CTNNA3: variants seen among roughly 807,000 people sequenced by gnomAD.
The protein encoded by CTNNA3 is catenin alpha 3.
In CTNNA3, 76 loss-of-function variants were observed where a neutral mutation model predicts 95.7. The ratio of observed to expected loss-of-function variants is 0.79; its 90% confidence interval spans 0.66 to 0.96. CTNNA3 has a LOEUF of 0.96. Ranked by LOEUF, CTNNA3 falls within the 40% of genes least tolerant of loss-of-function variation. CTNNA3 has a pLI of 0.00. For synonymous variants in CTNNA3, 431 were observed against 374.4 expected, an observed-to-expected ratio of 1.15 and a Z score of -1.74; for missense variants, 1,191 against 1,089.8, an observed-to-expected ratio of 1.09 and a Z score of -1.31.
intron 11 of CTNNA3, among the ~76,000 whole-genome samples, chr10:66,388,588 A>T (rs1365166174): frequency 6.6e-6 from 1 of 152,146 alleles, no homozygotes; most frequent in East Asian, 1.9e-4. Flanking sequence ...GTCTGAGGCC[A>T]TAGTGTTAAA....
chr10:66,459,472 T>C (rs1358598292), intron 11 of CTNNA3, among the ~76,000 whole-genome samples: 1 of 152,210 alleles, frequency 6.6e-6, no homozygotes, highest in African/African-American at 2.4e-5. Context: ...GTGGCTGTAC[T>C]ATTTTTCATT....
intron 13 of CTNNA3, among the ~76,000 whole-genome samples, chr10:66,243,399 A>T (rs1447764333): frequency 1.3e-5 from 2 of 152,174 alleles, no homozygotes; most frequent in African/African-American, 4.8e-5. Flanking sequence ...CCTCTATTCT[A>T]TCTGAAGCCT....
chr10:66,361,819 T>C (rs754934861), intron 12 of CTNNA3, among the ~76,000 whole-genome samples: 10 of 152,104 alleles, frequency 6.6e-5, no homozygotes, highest in Non-Finnish European at 1.0e-4. Flanking sequence ...ATTACAGGTA[T>C]GAGCCACCAT....
intron 5 of CTNNA3, among the ~76,000 whole-genome samples, chr10:67,444,276 C>T (rs1846653556): frequency 6.6e-6 from 1 of 151,912 alleles, no homozygotes; most frequent in South Asian, 2.1e-4. Flanking sequence ...GAAAATTAAA[C>T]AATATACTCC....
intron 5 of CTNNA3, among the ~76,000 whole-genome samples, chr10:67,415,945 T>C (rs965069784): frequency 1.3e-5 from 2 of 152,226 alleles, no homozygotes; most frequent in African/African-American, 4.8e-5. Flanking sequence ...GCTAGCCATA[T>C]GCAGAAGACT....
intron 7 of CTNNA3, among the ~76,000 whole-genome samples, chr10:67,151,392 C>T (rs139553227): frequency 2.1e-4 from 32 of 151,832 alleles, no homozygotes; most frequent in South Asian, 8.3e-4. Context: ...AGCAAGACAA[C>T]GAGTTAACAA....
intron 1 of CTNNA3, among the ~76,000 whole-genome samples, chr10:67,715,986 A>T (rs1841140134): frequency 6.6e-6 from 1 of 152,152 alleles, no homozygotes; most frequent in African/African-American, 2.4e-5. Flanking sequence ...GGGTAACTTA[A>T]TTGACTGTAG....
At chr10:66,229,575 T>A (rs1237092404) in intron 13 of CTNNA3, among the ~76,000 whole-genome samples, 1 of 152,196 alleles carries the variant, frequency 6.6e-6, no homozygotes, top group African/African-American at 2.4e-5. Flanking sequence ...CTGTAAGGTT[T>A]CTGCTGAGAA....
At chr10:66,154,238 A>G (rs1418458545) in intron 13 of CTNNA3, among the ~76,000 whole-genome samples, 1 of 151,788 alleles carries the variant, frequency 6.6e-6, no homozygotes, top group East Asian at 1.9e-4. Flanking sequence ...ATAATCCAGC[A>G]AATCCTCTTT....
intron 6 of CTNNA3, among the ~76,000 whole-genome samples, chr10:67,207,651 C>T (rs1863961369): frequency 6.6e-6 from 1 of 152,184 alleles, no homozygotes; most frequent in Non-Finnish European, 1.5e-5. Context: ...GGGCCACCTA[C>T]ATCTCCATGT....
At chr10:65,970,558 T>C (rs1334255034) in intron 16 of CTNNA3, among the ~76,000 whole-genome samples, 1 of 151,464 alleles carries the variant, frequency 6.6e-6, no homozygotes. Context: ...ATCAATAAGC[T>C]CAAAGTAAAG....
chr10:66,932,963 T>G (rs1434807112), intron 7 of CTNNA3, among the ~76,000 whole-genome samples: 1 of 152,216 alleles, frequency 6.6e-6, no homozygotes, highest in Non-Finnish European at 1.5e-5. Context: ...TCATCACAGG[T>G]ACATTTCCTG....
intron 17 of CTNNA3, among the ~76,000 whole-genome samples, chr10:65,944,735 T>A (rs1008537548): frequency 6.6e-6 from 1 of 151,996 alleles, no homozygotes; most frequent in African/African-American, 2.4e-5. Flanking sequence ...AAATGAGAGG[T>A]CTAATTAAAT....
intron 17 of CTNNA3, among the ~76,000 whole-genome samples, chr10:65,950,782 A>T (rs553637409): frequency 1.3e-4 from 20 of 152,334 alleles, no homozygotes; most frequent in African/African-American, 4.8e-4. Context: ...TATGAATAAG[A>T]ATATAGTAAT....
At chr10:66,138,697 A>G (rs966594114) in intron 13 of CTNNA3, among the ~76,000 whole-genome samples, 2 of 152,116 alleles carry the variant, frequency 1.3e-5, no homozygotes. Flanking sequence ...CAAAAATATT[A>G]AAAATACAGA....
intron 1 of CTNNA3, among the ~76,000 whole-genome samples, chr10:67,744,854 G>A (rs996741615): frequency 6.6e-6 from 1 of 152,006 alleles, no homozygotes; most frequent in Non-Finnish European, 1.5e-5. Flanking sequence ...ATATGAACAT[G>A]AACAGACATT....
chr10:66,233,049 AC>A (rs2089665642), intron 13 of CTNNA3, among the ~76,000 whole-genome samples: 2 of 151,098 alleles, frequency 1.3e-5, no homozygotes, highest in Admixed American at 6.6e-5. Flanking sequence ...AGTCCCAGCT[AC>A]TGGGGAGGCT....
intron 5 of CTNNA3, among the ~76,000 whole-genome samples, chr10:67,347,668 C>G (rs566053480): frequency 6.6e-6 from 1 of 151,854 alleles, no homozygotes; most frequent in Non-Finnish European, 1.5e-5. Context: ...ACATGTTGCT[C>G]TTATCAATTT....
chr10:66,201,284 A>G (rs892901071), intron 13 of CTNNA3, among the ~76,000 whole-genome samples: 1 of 151,844 alleles, frequency 6.6e-6, no homozygotes, highest in Non-Finnish European at 1.5e-5. Context: ...CTCTCTTATC[A>G]CCATCATCAT....
Sources: allele counts gnomAD v4.1 joint callset (sites outside exome capture counted in the v4.1 genomes callset), GRCh38; gene constraint gnomAD v4.1.1; transcripts MANE v1.5; gene names NCBI Gene and HGNC (gene_info 2026-07-23, HGNC 2026-07-21).